TACR3: variants seen among roughly 807,000 people sequenced by gnomAD.
TACR3 encodes tachykinin receptor 3.
Under a neutral mutation model 35.0 loss-of-function variants are expected in TACR3, and 34 were observed. The observed-to-expected ratio is 0.97, with a 90% CI of 0.74 to 1.30. The LOEUF is 1.30. Among genes scored for constraint, TACR3 ranks in the 50% most tolerant of loss-of-function variants. The pLI, the probability that TACR3 is intolerant of heterozygous loss-of-function variation, is 0.00. For synonymous variants in TACR3, 233 were observed against 221.1 expected (o/e 1.05, Z -0.48); for missense variants, 558 against 591.7 (o/e 0.94, Z 0.59).
At position 103,656,592 on chromosome 4, in the gene TACR3, A is replaced by T. The variant is rs575820300; in HGVS notation, c.738-248T>A. On this transcript the variant is annotated intron_variant, in intron 2 of 4. Coordinates refer to ENST00000304883, the MANE Select transcript of TACR3 (RefSeq NM_001059.3). ...AAACTATAGCTGGGTTGAAGGGCTC[A>T]GTTAAACATAAGTTCTCCTTGCCTA... 1.4e-4 allele frequency among the ~76,000 whole-genome samples: 21 copies of T among 152,222 alleles called. No individual in the cohort carries two copies. In the East Asian group the frequency reaches 3.3e-3, roughly 24 times the overall value.
At chr4:103,599,509 G>T (rs1724134591) in intron 3 of TACR3, among the ~76,000 whole-genome samples, 1 of 152,196 alleles carries the variant, frequency 6.6e-6, no homozygotes, top group Non-Finnish European at 1.5e-5. Flanking sequence ...GGAGTGGTGA[G>T]AGAGGGCATC....
intron 3 of TACR3, among the ~76,000 whole-genome samples, chr4:103,644,427 A>G (rs1170555592): frequency 2.0e-5 from 3 of 151,830 alleles, no homozygotes; most frequent in Non-Finnish European, 2.9e-5. Flanking sequence ...AATTGCGTAC[A>G]TTTTCAGCAT....
At chr4:103,669,875 T>C (rs59225607) in intron 1 of TACR3, among the ~76,000 whole-genome samples, 7,324 of 152,094 alleles carry the variant, frequency 0.048, 470 homozygotes, top group African/African-American at 0.14. Flanking sequence ...TGTGGTCTTA[T>C]TCCAGAAATC....
chr4:103,594,737 G>A (rs1432229769), intron 3 of TACR3, among the ~76,000 whole-genome samples: 1 of 152,118 alleles, frequency 6.6e-6, no homozygotes, highest in African/African-American at 2.4e-5. Flanking sequence ...AAATGCATGT[G>A]GAAAATGGAA....
intron 1 of TACR3, among the ~76,000 whole-genome samples, chr4:103,661,510 G>A (rs1015228921): frequency 3.9e-5 from 6 of 151,960 alleles, no homozygotes; most frequent in Non-Finnish European, 8.8e-5. Flanking sequence ...TAGGTATTTA[G>A]ACAGTTGATT....
intron 3 of TACR3, among the ~76,000 whole-genome samples, chr4:103,595,182 T>G (rs1723979402): frequency 6.6e-6 from 1 of 152,166 alleles, no homozygotes; most frequent in African/African-American, 2.4e-5. Flanking sequence ...GGCTGAACAA[T>G]GGTACTAGTG....
At chr4:103,619,681 GA>G (rs35992033) in intron 3 of TACR3, among the ~76,000 whole-genome samples, 31,964 of 152,058 alleles carry the variant, frequency 0.21, 3,582 homozygotes, top group Middle Eastern at 0.32. Context: ...TTATTATTTT[GA>G]GGTGTATTCC....
intron 1 of TACR3, among the ~76,000 whole-genome samples, chr4:103,677,798 A>G (rs1189228682): frequency 6.6e-6 from 1 of 152,034 alleles, no homozygotes; most frequent in Non-Finnish European, 1.5e-5. Context: ...TGTTTGGCAA[A>G]CCACCATGGT....
Position 103,632,827 on chromosome 4 carries a change from A to G in TACR3, c.888+23367T>C, listed in dbSNP as rs536043717. ...GCAGAAGATCATTTTAGCATTAAATATAAAATCTAACAGTGCCTTGTAAAT... is the reference window on the plus strand; with the variant it reads ...GCAGAAGATCATTTTAGCATTAAATGTAAAATCTAACAGTGCCTTGTAAAT... On this transcript the variant is annotated intron_variant, in intron 3 of 4. Transcript: ENST00000304883. Among the ~76,000 whole-genome samples the G allele has an allele frequency of 3.3e-5, 5 of 152,260 alleles. No homozygotes were observed. The South Asian group carries it at 1.0e-3, about 32-fold the overall frequency.
chr4:103,684,345 C>A (rs1214245688), intron 1 of TACR3, among the ~76,000 whole-genome samples: 1 of 151,952 alleles, frequency 6.6e-6, no homozygotes, highest in Non-Finnish European at 1.5e-5. Flanking sequence ...CCACATAGAC[C>A]TAATAAATGA....
At chr4:103,711,974 A>G (rs992276927) in intron 1 of TACR3, among the ~76,000 whole-genome samples, 2 of 152,174 alleles carry the variant, frequency 1.3e-5, no homozygotes, top group African/African-American at 4.8e-5. Context: ...ACTACAAACC[A>G]CTGCTCAATG....
intron 3 of TACR3, among the ~76,000 whole-genome samples, chr4:103,599,169 T>C (rs1312523797): frequency 3.3e-5 from 5 of 152,298 alleles, no homozygotes; most frequent in African/African-American, 4.8e-5. Flanking sequence ...AGCTCCTTCA[T>C]ATCCCTTGTA....
chr4:103,639,637 AT>A (rs1388882766), intron 3 of TACR3, among the ~76,000 whole-genome samples: 1 of 152,024 alleles, frequency 6.6e-6, no homozygotes, highest in African/African-American at 2.4e-5. Flanking sequence ...CCACAAAAAA[AT>A]GTAAAGAAAT....
At chr4:103,697,485 C>T (rs768468469) in intron 1 of TACR3, among the ~76,000 whole-genome samples, 18 of 151,638 alleles carry the variant, frequency 1.2e-4, no homozygotes, top group South Asian at 2.1e-4. Flanking sequence ...AGTGCAGTGG[C>T]GCCATCTCGG....
At chr4:103,629,852 AAAAAAAAAC>A (rs1560813979) in intron 3 of TACR3, among the ~76,000 whole-genome samples, 95 of 115,162 alleles carry the variant, frequency 8.2e-4, no homozygotes, top group African/African-American at 3.1e-3. Flanking sequence ...AAGCAAAACA[AAAAAAAAAC>A]AAAAAAAAAA....
At chr4:103,609,000 T>G (rs937771518) in intron 3 of TACR3, among the ~76,000 whole-genome samples, 1 of 152,140 alleles carries the variant, frequency 6.6e-6, no homozygotes, top group African/African-American at 2.4e-5. Context: ...GATGAGGAAT[T>G]AATTTGATTA....
rs1476671857 is a variant in TACR3 at position 103,683,133 on chromosome 4, GA to G, written c.549-24731del. Among the ~76,000 whole-genome samples, 3 of 151,910 alleles carry G rather than the reference GA, an allele frequency of 2.0e-5. No individual in the cohort carries two copies. In the East Asian group the frequency reaches 5.8e-4, roughly 29 times the overall value. On this transcript the variant is annotated intron_variant, in intron 1 of 4. Coordinates refer to ENST00000304883, the MANE Select transcript of TACR3 (RefSeq NM_001059.3). ...CAATGGATCAAAGAAAAAGTCTACA[GA>G]AATCTAGAAAATATTTTGAACAGAA...
intron 1 of TACR3, among the ~76,000 whole-genome samples, chr4:103,686,442 G>A (rs1486609758): frequency 6.6e-6 from 1 of 152,018 alleles, no homozygotes; most frequent in Non-Finnish European, 1.5e-5. Flanking sequence ...AAAAAACTGA[G>A]CAATGGTACC....
rs1443541590 is a variant in TACR3 at position 103,586,942 on chromosome 4, C to T, written c.*2740G>A. The T allele has an allele frequency of 6.6e-6, 1 of 151,898 alleles. No homozygotes were observed. The highest frequency in any genetic ancestry group is 1.5e-5 in the Non-Finnish European group (1 of 67,958). The allele number at this position is 151,898 out of a possible 1,614,324, so 9.4% of individuals were successfully genotyped here. A position where few individuals can be genotyped will look rare whatever the true frequency, so the allele number is the denominator to read the frequency against. On this transcript the variant is annotated 3_prime_UTR_variant, in exon 5 of 5. Coordinates refer to ENST00000304883, the MANE Select transcript of TACR3 (RefSeq NM_001059.3). ...ATGATGTAAGCCTTTTTGATTCTTT[C>T]ATATTTGTTTAAAAATATTTTGAAT...
Sources: gnomAD v4.1 joint callset for allele counts (sites outside exome capture counted in the v4.1 genomes callset) on GRCh38, gnomAD v4.1.1 for gene constraint, MANE v1.5 for transcripts, NCBI Gene and HGNC (gene_info 2026-07-23, HGNC 2026-07-21) for gene names.